RUVBL1: variants seen among roughly 807,000 people sequenced by gnomAD.
RUVBL1 encodes ruvB-like 1.
A neutral mutation model predicts 52.4 loss-of-function variants in RUVBL1; 4 were observed. The ratio of observed to expected loss-of-function variants is 0.08; its 90% CI spans 0.04 to 0.17. The LOEUF is 0.17. Among genes scored for constraint, RUVBL1 ranks in the 10% least tolerant of loss-of-function variants. The probability of loss-of-function intolerance (pLI) is 1.00; values close to 1 mark genes in which losing one functional copy is unlikely to be tolerated. For synonymous variants in RUVBL1, 217 were observed against 214.4 expected (o/e 1.01, Z -0.10); for missense variants, 298 against 572.8 (o/e 0.52, Z 4.90).
chr3:128,137,769 T>G (rs1426281662), intron 1 of RUVBL1, among the ~76,000 whole-genome samples: 2 of 152,166 alleles, frequency 1.3e-5, no homozygotes, highest in Non-Finnish European at 2.9e-5. Flanking sequence ...ATATCCCTGA[T>G]GAACATTAAC....
chr3:128,132,636 C>G (rs564659449), intron 1 of RUVBL1, among the ~76,000 whole-genome samples: 12 of 152,080 alleles, frequency 7.9e-5, no homozygotes, highest in Non-Finnish European at 1.0e-4. Flanking sequence ...CTAGACACAC[C>G]CTGGGACAAA....
intron 3 of RUVBL1, among the ~76,000 whole-genome samples, chr3:128,109,940 C>G (rs897262097): frequency 6.6e-6 from 1 of 150,906 alleles, no homozygotes; most frequent in Non-Finnish European, 1.5e-5. Context: ...CTCAGCCTCC[C>G]AAGTAGCTGG....
intron 4 of RUVBL1, among the ~76,000 whole-genome samples, chr3:128,102,003 C>T (rs11715661): frequency 0.14 from 20,826 of 152,232 alleles, 1,588 homozygotes; most frequent in African/African-American, 0.2. Context: ...TGCCGTGAGA[C>T]GGGTGGGCCC....
chr3:128,065,827 C>T (rs1360165945), intron 9 of RUVBL1, among the ~76,000 whole-genome samples: 1 of 149,738 alleles, frequency 6.7e-6, no homozygotes, highest in Non-Finnish European at 1.5e-5. Context: ...CTGCAACCTC[C>T]GCCTCCCAGG....
chr3:128,146,096 G>A (rs1273529404), intron 1 of RUVBL1, among the ~76,000 whole-genome samples: 3 of 152,288 alleles, frequency 2.0e-5, no homozygotes, highest in East Asian at 1.9e-4. Flanking sequence ...GGCTGTCCAG[G>A]GCAGGGCTAA....
intron 8 of RUVBL1, among the ~76,000 whole-genome samples, chr3:128,096,397 G>A (rs1235240544): frequency 6.6e-6 from 1 of 152,232 alleles, no homozygotes; most frequent in East Asian, 1.9e-4. Flanking sequence ...GCCAATCTTG[G>A]CAGGATGAGC....
At chr3:128,076,132 G>A (rs1942314814), downstream of RUVBL1, 1 of 152,488 alleles carries the variant, frequency 6.6e-6, no homozygotes. This position sits in a 1 kb window ranked among gnomAD's most constrained non-coding sequence, Gnocchi z 6.8. Flanking sequence ...AGTTCCGAGT[G>A]GGTCCCGGCG....
At chr3:128,068,033 G>A in intron 9 of RUVBL1, 2 of 1,613,948 alleles carry the variant, frequency 1.2e-6, no homozygotes, top group Non-Finnish European at 8.5e-7. Context: ...GCCACCGAGA[G>A]ACCTCCATGG....
chr3:128,129,508 A>AAAC (rs74644017), intron 1 of RUVBL1, among the ~76,000 whole-genome samples: 46,605 of 151,626 alleles, frequency 0.31, 9,179 homozygotes, highest in Non-Finnish European at 0.44. Flanking sequence ...GGACCAGGAA[A>AAAC]AACAACAACA....
At chr3:128,066,405 A>G (rs1941979370) in intron 9 of RUVBL1, among the ~76,000 whole-genome samples, 1 of 151,716 alleles carries the variant, frequency 6.6e-6, no homozygotes, top group Non-Finnish European at 1.5e-5. Context: ...GGTGGGGATC[A>G]TTCCACCGTG....
At chr3:128,088,727 C>G (rs912018969) in intron 8 of RUVBL1, among the ~76,000 whole-genome samples, 2 of 151,770 alleles carry the variant, frequency 1.3e-5, no homozygotes, top group Admixed American at 1.3e-4. Context: ...CTCAGCCTCC[C>G]GAGTAGCTTG....
At chr3:128,084,918 C>A (rs1278444863) in intron 9 of RUVBL1, 1 of 152,274 alleles carries the variant, frequency 6.6e-6, no homozygotes, top group Non-Finnish European at 1.5e-5. Context: ...CCTGGCAAGT[C>A]ACTGTCCTAG....
At chr3:128,141,182 G>A (rs1282227335) in intron 1 of RUVBL1, among the ~76,000 whole-genome samples, 1 of 152,208 alleles carries the variant, frequency 6.6e-6, no homozygotes, top group Non-Finnish European at 1.5e-5. Context: ...CAGAAATTCT[G>A]AAGATGGCTC....
intron 3 of RUVBL1, among the ~76,000 whole-genome samples, chr3:128,110,705 G>C (rs903814735): frequency 2.0e-5 from 3 of 152,054 alleles, no homozygotes; most frequent in Non-Finnish European, 4.4e-5. Context: ...AATGCTTATG[G>C]GGACCTGGTC....
chr3:128,124,053 C>T (rs895977958), upstream of RUVBL1, among the ~76,000 whole-genome samples: 1 of 152,222 alleles, frequency 6.6e-6, no homozygotes. Context: ...TTGCACGAGG[C>T]AGTGGCCCCC....
chr3:128,120,361 A>T (rs952192371), intron 1 of RUVBL1, among the ~76,000 whole-genome samples: 9 of 152,202 alleles, frequency 5.9e-5, no homozygotes, highest in African/African-American at 1.9e-4. Context: ...CTCAAGGTTA[A>T]ATTACTTTAT....
At chr3:128,093,049 A>T (rs1347835116) in intron 8 of RUVBL1, among the ~76,000 whole-genome samples, 1 of 152,180 alleles carries the variant, frequency 6.6e-6, no homozygotes, top group Non-Finnish European at 1.5e-5. Context: ...AGAAAAAAAA[A>T]GTTGTACACA....
chr3:128,152,325 G>C (rs1162132690), intron 1 of RUVBL1, among the ~76,000 whole-genome samples: 2 of 152,166 alleles, frequency 1.3e-5, no homozygotes, highest in Non-Finnish European at 2.9e-5. Context: ...GAGAATTTCT[G>C]AGTCAGAGAT....
At chr3:128,066,880 C>T (rs990026325) in intron 9 of RUVBL1, 21 of 1,471,332 alleles carry the variant, frequency 1.4e-5, no homozygotes, top group South Asian at 3.6e-5. Context: ...GGACAGTCCC[C>T]GGCCGGGCTG....
Sources: gnomAD v4.1 joint callset for allele counts (sites outside exome capture counted in the v4.1 genomes callset) on GRCh38, gnomAD v4.1.1 for gene constraint, Gnocchi (gnomAD v3.1) non-coding constraint, MANE v1.5 for transcripts, NCBI Gene and HGNC (gene_info 2026-07-23, HGNC 2026-07-21) for gene names.